Variants in TCF7L2 observed in about 807,000 individuals in gnomAD.
TCF7L2 encodes transcription factor 7 like 2.
TCF7L2 carries 23 observed loss-of-function variants against 77.9 expected under a neutral mutation model. The ratio of observed to expected loss-of-function variants is 0.30; its 90% confidence interval spans 0.21 to 0.42. The LOEUF is 0.42. Ranked by LOEUF, TCF7L2 falls within the 10% of genes least tolerant of loss-of-function variation. The probability of loss-of-function intolerance (pLI) is 1.00; values close to 1 mark genes in which losing one functional copy is unlikely to be tolerated. For synonymous variants in TCF7L2, 413 were observed against 340.2 expected (o/e 1.21, Z -2.36); for missense variants, 654 against 793.1 (o/e 0.82, Z 2.11).
At position 113,040,127 on chromosome 10, in the gene TCF7L2, G is replaced by A. The variant is rs377242639; in HGVS notation, c.552+1G>A. On this transcript the variant is annotated splice_donor_variant, in intron 5 of 13. Transcript: ENST00000627217. LOFTEE classifies it high-confidence loss of function. The stretch of plus-strand genomic sequence containing the variant: ...GTCCCCATCACCGGCACACATTGTC[G>A]TAAGTAACCTCCCAGAGATGATGGC... 6.2e-7 allele frequency: 1 copy of A among 1,613,366 alleles called. No individual in the cohort carries two copies. The highest frequency in any genetic ancestry group is 8.5e-7 in the Non-Finnish European group (1 of 1,179,566).
At chr10:113,103,075 G>T (rs1432644412) in intron 5 of TCF7L2, among the ~76,000 whole-genome samples, 1 of 152,144 alleles carries the variant, frequency 6.6e-6, no homozygotes, top group Non-Finnish European at 1.5e-5. Context: ...GAGGAAACTG[G>T]TGCAGACTTT....
rs1404902599 is a variant in TCF7L2, at chr10:113,041,396, A to G, written c.552+1270A>G. On this transcript the variant is annotated intron_variant, in intron 5 of 13. Coordinates refer to ENST00000627217, the MANE Select transcript of TCF7L2 (RefSeq NM_001146274.2). ...TCAGGGCTGGAAGTGACCTTAGATC[A>G]TTTAGGCCCAACTTGCCCTCAGGAA... Among the ~76,000 whole-genome samples, 4 of 152,202 alleles carry G rather than the reference A, an allele frequency of 2.6e-5. No homozygotes were observed. In the East Asian group the frequency reaches 7.7e-4, roughly 29 times the overall value.
intron 11 of TCF7L2, among the ~76,000 whole-genome samples, chr10:113,155,997 A>G (rs2071789957): frequency 6.6e-6 from 1 of 152,228 alleles, no homozygotes. Flanking sequence ...CCTCACAGAA[A>G]AGATAGGCCA....
At chr10:113,123,227 C>A (rs756791492) in intron 5 of TCF7L2, among the ~76,000 whole-genome samples, 1 of 152,082 alleles carries the variant, frequency 6.6e-6, no homozygotes, top group Non-Finnish European at 1.5e-5. Context: ...CTGGGGAAGC[C>A]GAGAGAGAGG....
At chr10:112,979,686 G>A (rs1230318236) in intron 4 of TCF7L2, among the ~76,000 whole-genome samples, 1 of 151,958 alleles carries the variant, frequency 6.6e-6, no homozygotes, top group Non-Finnish European at 1.5e-5. Context: ...GAACTGGGAG[G>A]CGGAGGTTGC....
chr10:113,016,126 G>A (rs921442307), intron 4 of TCF7L2, among the ~76,000 whole-genome samples: 1 of 151,616 alleles, frequency 6.6e-6, no homozygotes, highest in African/African-American at 2.4e-5. Flanking sequence ...GTGCAGTGGT[G>A]TGATCTCGGC....
intron 5 of TCF7L2, among the ~76,000 whole-genome samples, chr10:113,097,691 A>G (rs529151895): frequency 6.8e-6 from 1 of 146,682 alleles, no homozygotes; most frequent in African/African-American, 2.5e-5. Context: ...TGAGAAAGAT[A>G]TATGGAGGTG....
intron 5 of TCF7L2, among the ~76,000 whole-genome samples, chr10:113,084,135 CAT>C (rs1434054165): frequency 6.6e-6 from 1 of 152,166 alleles, no homozygotes; most frequent in African/African-American, 2.4e-5. Flanking sequence ...TCTCCAGAGA[CAT>C]AAAACCAATA....
chr10:113,062,066 A>G (rs2056540437), intron 5 of TCF7L2, among the ~76,000 whole-genome samples: 1 of 152,144 alleles, frequency 6.6e-6, no homozygotes, highest in African/African-American at 2.4e-5. Flanking sequence ...GTAGAGAGCA[A>G]AAGTGTGAGT....
chr10:113,035,504 G>A (rs1014058531), intron 4 of TCF7L2, among the ~76,000 whole-genome samples: 1 of 152,206 alleles, frequency 6.6e-6, no homozygotes, highest in African/African-American at 2.4e-5. Flanking sequence ...CCAGGCTGGA[G>A]TGCAGTGGTG....
rs975003740 is a variant in TCF7L2, at chr10:113,166,042, C to T, written c.*70C>T. On this transcript the variant is annotated 3_prime_UTR_variant, in exon 14 of 14. Coordinates refer to ENST00000627217, the MANE Select transcript of TCF7L2 (RefSeq NM_001146274.2). ...ACTTTTCTTAATTTGCCCCCCACCC[C>T]CACCTTGAAAGGTTTTGTTTTGTAC... 2.2e-6 allele frequency: 3 copies of T among 1,391,896 alleles called. No individual in the cohort carries two copies. The highest frequency in any genetic ancestry group is 2.8e-6 in the Non-Finnish European group (3 of 1,060,424). 86.2% of individuals were successfully genotyped at this position (1,391,896 alleles called of 1,614,324 possible).
chr10:113,043,999 A>T (rs911338070), intron 5 of TCF7L2, among the ~76,000 whole-genome samples: 7 of 152,174 alleles, frequency 4.6e-5, no homozygotes, highest in Non-Finnish European at 1.0e-4. Flanking sequence ...GTATCTTACA[A>T]AACGGCAAAA....
At chr10:112,995,253 G>A (rs909910098) in intron 4 of TCF7L2, among the ~76,000 whole-genome samples, 1 of 152,222 alleles carries the variant, frequency 6.6e-6, no homozygotes, top group African/African-American at 2.4e-5. Flanking sequence ...CTGGGCTAGA[G>A]GTGAAGAATC....
chr10:113,148,450 C>T (rs1321087645), intron 8 of TCF7L2, among the ~76,000 whole-genome samples: 1 of 152,136 alleles, frequency 6.6e-6, no homozygotes, highest in Non-Finnish European at 1.5e-5. Context: ...AAACCTAATG[C>T]AACTCAAAGC....
At chr10:113,114,073 C>G (rs1194086100) in intron 5 of TCF7L2, among the ~76,000 whole-genome samples, 2 of 152,170 alleles carry the variant, frequency 1.3e-5, no homozygotes, top group Non-Finnish European at 2.9e-5. Flanking sequence ...TGTGAACAAT[C>G]CTGGAATTGC....
At chr10:113,120,531 G>A (rs966099259) in intron 5 of TCF7L2, among the ~76,000 whole-genome samples, 4 of 152,194 alleles carry the variant, frequency 2.6e-5, no homozygotes, top group African/African-American at 9.7e-5. Context: ...TAGGACATTA[G>A]GAGGAGGAAG....
intron 4 of TCF7L2, among the ~76,000 whole-genome samples, chr10:112,973,463 C>A (rs564139236): frequency 6.6e-6 from 1 of 152,112 alleles, no homozygotes; most frequent in Non-Finnish European, 1.5e-5. Flanking sequence ...AGTGAGCAGG[C>A]CAGGTTGAGG....
chr10:113,153,279 T>G (rs112775103), intron 11 of TCF7L2, among the ~76,000 whole-genome samples: 7,046 of 152,318 alleles, frequency 0.046, 207 homozygotes, highest in African/African-American at 0.092. Context: ...GCCCAGTAAC[T>G]CCGCTTTCCT....
intron 4 of TCF7L2, among the ~76,000 whole-genome samples, chr10:112,986,611 A>G (rs368265271): frequency 1.3e-5 from 2 of 152,330 alleles, no homozygotes; most frequent in African/African-American, 4.8e-5. Flanking sequence ...ATCGGTCTGC[A>G]CACTTATAAG....
Sources: gnomAD v4.1 joint callset for allele counts (sites outside exome capture counted in the v4.1 genomes callset) on GRCh38, gnomAD v4.1.1 for gene constraint, MANE v1.5 for transcripts, NCBI Gene and HGNC (gene_info 2026-07-23, HGNC 2026-07-21) for gene names.